PRR16: variants seen among roughly 807,000 people sequenced by gnomAD.
The protein encoded by PRR16 is protein Largen.
In PRR16, 6 loss-of-function variants were observed where a neutral mutation model predicts 18.2. The observed-to-expected ratio is 0.33, with a 90% CI of 0.18 to 0.65. The LOEUF (loss-of-function observed/expected upper bound fraction) is 0.65, where lower values mean the gene tolerates loss of function less well. PRR16 is among the 30% of genes least tolerant of loss of function. The pLI is 0.74. For synonymous variants in PRR16, 151 were observed against 147.8 expected (o/e 1.02, Z -0.16); for missense variants, 412 against 376.6 (o/e 1.09, Z -0.78).
At chr5:120,574,949 C>G (rs1753025468) in intron 1 of PRR16, among the ~76,000 whole-genome samples, 2 of 148,734 alleles carry the variant, frequency 1.3e-5, no homozygotes, top group South Asian at 4.2e-4. Context: ...TACACAGTTT[C>G]AGTTACCCAT....
intron 1 of PRR16, among the ~76,000 whole-genome samples, chr5:120,516,753 T>C (rs548837647): frequency 3.3e-5 from 5 of 152,270 alleles, no homozygotes; most frequent in African/African-American, 1.2e-4. Context: ...TGATATTTCA[T>C]AGATCTTGGA....
chr5:120,718,313 A>G, the PRR16 span, among the ~76,000 whole-genome samples: 13 of 152,148 alleles, frequency 8.5e-5, no homozygotes, highest in Non-Finnish European at 4.4e-5. Context: ...TGGCTTAAAC[A>G]TAGAGAAAAT....
At chr5:120,696,699 A>G in the PRR16 span, among the ~76,000 whole-genome samples, 1 of 152,200 alleles carries the variant, frequency 6.6e-6, no homozygotes, top group Non-Finnish European at 1.5e-5. Flanking sequence ...TGAAGAGGTA[A>G]GCAAAAAAAT....
intron 1 of PRR16, among the ~76,000 whole-genome samples, chr5:120,522,757 C>T (rs1235301081): frequency 6.6e-6 from 1 of 151,694 alleles, no homozygotes; most frequent in African/African-American, 2.4e-5. Flanking sequence ...AGGCGCCCGC[C>T]ACCATGCGTG....
At chr5:120,604,301 T>C (rs757365596) in intron 1 of PRR16, among the ~76,000 whole-genome samples, 2 of 152,136 alleles carry the variant, frequency 1.3e-5, no homozygotes, top group Non-Finnish European at 2.9e-5. Flanking sequence ...TTTATTATTA[T>C]GTAATATCCT....
chr5:120,634,230 C>T lies in PRR16; in HGVS notation c.160-51724C>T, dbSNP rs7729874. Among the ~76,000 whole-genome samples the T allele has an allele frequency of 2.1e-3, 324 of 152,152 alleles. 2 individuals carry two copies. Among genetic ancestry groups the T allele is most frequent in the African/African-American group, 7.4e-3 (306 of 41,534 alleles). On this transcript the variant is annotated intron_variant, in intron 1 of 1. Transcript: ENST00000407149. ...AAATTAAAAAATTATTTGAACTGAACGATAATAGTGACACAACCTATCACT... is the reference window on the plus strand; with the variant it reads ...AAATTAAAAAATTATTTGAACTGAATGATAATAGTGACACAACCTATCACT...
chr5:120,699,811 TAGA>T, the PRR16 span, among the ~76,000 whole-genome samples: 1 of 152,176 alleles, frequency 6.6e-6, no homozygotes. Context: ...TGTTGTTTTG[TAGA>T]AGGTGCTGGG....
intron 1 of PRR16, among the ~76,000 whole-genome samples, chr5:120,484,275 GAAAA>G (rs1425212197): frequency 1.4e-5 from 2 of 147,034 alleles, no homozygotes; most frequent in African/African-American, 5.0e-5. Flanking sequence ...AGTTAAAAAA[GAAAA>G]TAAATATATG....
At chr5:120,769,914 A>G in the PRR16 span, among the ~76,000 whole-genome samples, 18 of 149,816 alleles carry the variant, frequency 1.2e-4, no homozygotes, top group Admixed American at 1.2e-3. Flanking sequence ...AACAAGTGTG[A>G]GGTGATATTT....
At chr5:120,591,831 A>T (rs924487609) in intron 1 of PRR16, among the ~76,000 whole-genome samples, 1 of 152,140 alleles carries the variant, frequency 6.6e-6, no homozygotes, top group African/African-American at 2.4e-5. Flanking sequence ...TGTTGTAAAT[A>T]AAAATGCAGA....
chr5:120,774,087 T>TAGCAACAG, the PRR16 span, among the ~76,000 whole-genome samples: 1 of 152,100 alleles, frequency 6.6e-6, no homozygotes, highest in Non-Finnish European at 1.5e-5. Flanking sequence ...CCTGTTGCTA[T>TAGCAACAG]GAAAATATCA....
At chr5:120,508,143 C>T (rs943600467) in intron 1 of PRR16, among the ~76,000 whole-genome samples, 2 of 152,088 alleles carry the variant, frequency 1.3e-5, no homozygotes, top group Non-Finnish European at 1.5e-5. Flanking sequence ...TACCTTTCCT[C>T]TTTTTCCTTC....
At chr5:120,700,380 AG>A in the PRR16 span, among the ~76,000 whole-genome samples, 1 of 151,918 alleles carries the variant, frequency 6.6e-6, no homozygotes, top group Non-Finnish European at 1.5e-5. Flanking sequence ...TGAGATGGTG[AG>A]GGGTGCATGA....
At chr5:120,673,290 A>G (rs1238259024) in intron 1 of PRR16, among the ~76,000 whole-genome samples, 2 of 152,214 alleles carry the variant, frequency 1.3e-5, no homozygotes, top group Admixed American at 6.5e-5. Context: ...TGTGCCAATT[A>G]GAAGTTAGAA....
intron 1 of PRR16, among the ~76,000 whole-genome samples, chr5:120,518,211 T>G (rs892985018): frequency 6.6e-6 from 1 of 152,158 alleles, no homozygotes; most frequent in African/African-American, 2.4e-5. Context: ...TAAAGAACAC[T>G]CAGAAAAGCA....
chr5:120,473,338 T>G (rs900865596), intron 1 of PRR16, among the ~76,000 whole-genome samples: 4 of 152,288 alleles, frequency 2.6e-5, no homozygotes, highest in Admixed American at 6.5e-5. Flanking sequence ...AGGAGAATTT[T>G]TAGTCTGTGT....
At chr5:120,516,874 A>G (rs1321206053) in intron 1 of PRR16, among the ~76,000 whole-genome samples, 2 of 152,314 alleles carry the variant, frequency 1.3e-5, no homozygotes, top group East Asian at 3.9e-4. Context: ...AGCAATTTCC[A>G]TATGGCTCAT....
the PRR16 span, among the ~76,000 whole-genome samples, chr5:120,751,933 A>G: frequency 3.9e-5 from 6 of 152,234 alleles, no homozygotes; most frequent in Non-Finnish European, 8.8e-5. Flanking sequence ...AAACTCCAGT[A>G]ACTTCTTTAT....
the PRR16 span, among the ~76,000 whole-genome samples, chr5:120,702,349 C>T: frequency 6.6e-6 from 1 of 150,964 alleles, no homozygotes; most frequent in Non-Finnish European, 1.5e-5. Flanking sequence ...CGCAGAGATA[C>T]GAGGTTGGGG....
Sources: gnomAD v4.1 joint callset for allele counts (sites outside exome capture counted in the v4.1 genomes callset) on GRCh38, gnomAD v4.1.1 for gene constraint, MANE v1.5 for transcripts, NCBI Gene and HGNC (gene_info 2026-07-23, HGNC 2026-07-21) for gene names.